The following CTNNA3 variants were observed in gnomAD, a reference collection of about 807,000 sequenced individuals.
CTNNA3 encodes catenin alpha 3.
CTNNA3 carries 76 observed loss-of-function variants against 95.7 expected under a neutral mutation model. The ratio of observed to expected loss-of-function variants is 0.79; its 90% CI spans 0.66 to 0.96. CTNNA3 has a LOEUF of 0.96. Among genes scored for constraint, CTNNA3 ranks in the 40% least tolerant of loss-of-function variants. The pLI is 0.00. For synonymous variants in CTNNA3, 431 were observed against 374.4 expected (o/e 1.15, Z -1.74); for missense variants, 1,191 against 1,089.8 (o/e 1.09, Z -1.31).
intron 7 of CTNNA3, among the ~76,000 whole-genome samples, chr10:66,982,914 G>T (rs1392588543): frequency 6.6e-6 from 1 of 152,128 alleles, no homozygotes; most frequent in East Asian, 1.9e-4. Context: ...GGGACACAAT[G>T]CAAGCTACAT....
At chr10:66,220,766 C>T (rs1368214422) in intron 13 of CTNNA3, among the ~76,000 whole-genome samples, 6 of 152,156 alleles carry the variant, frequency 3.9e-5, no homozygotes, top group Non-Finnish European at 8.8e-5. Context: ...TCCACAGTCC[C>T]ACCATCAAGC....
chr10:67,082,807 A>G (rs141583539), intron 7 of CTNNA3, among the ~76,000 whole-genome samples: 3 of 152,308 alleles, frequency 2.0e-5, no homozygotes, highest in East Asian at 3.9e-4. Context: ...ATCAGTCATG[A>G]AACTGATTGG....
At chr10:66,795,148 A>T (rs893495062) in intron 7 of CTNNA3, among the ~76,000 whole-genome samples, 1 of 152,194 alleles carries the variant, frequency 6.6e-6, no homozygotes, top group African/African-American at 2.4e-5. Context: ...TCTTAATGGC[A>T]TCTAAAATAG....
chr10:67,058,335 A>G (rs569970783), intron 7 of CTNNA3, among the ~76,000 whole-genome samples: 2 of 152,292 alleles, frequency 1.3e-5, no homozygotes, highest in South Asian at 4.1e-4. Flanking sequence ...GTCAGATAAC[A>G]TATTGTTTTA....
intron 12 of CTNNA3, among the ~76,000 whole-genome samples, chr10:66,315,585 C>T (rs866260548): frequency 6.6e-6 from 1 of 151,820 alleles, no homozygotes; most frequent in African/African-American, 2.4e-5. Flanking sequence ...TTTATATACA[C>T]TTGCTAATTA....
At chr10:67,452,869 G>A (rs955535959) in intron 5 of CTNNA3, among the ~76,000 whole-genome samples, 1 of 152,146 alleles carries the variant, frequency 6.6e-6, no homozygotes, top group Non-Finnish European at 1.5e-5. Flanking sequence ...GGGGTAGTTG[G>A]GAGGAGAAGA....
At chr10:67,429,279 T>A (rs1846028222) in intron 5 of CTNNA3, among the ~76,000 whole-genome samples, 1 of 152,072 alleles carries the variant, frequency 6.6e-6, no homozygotes, top group African/African-American at 2.4e-5. Context: ...TAAAATGATT[T>A]AGTTTGCATC....
At chr10:67,439,971 G>T (rs756458488) in intron 5 of CTNNA3, among the ~76,000 whole-genome samples, 1 of 152,126 alleles carries the variant, frequency 6.6e-6, no homozygotes, top group Non-Finnish European at 1.5e-5. Context: ...CGTAAAGGGG[G>T]CTTTTTCTTG....
Position 66,308,279 on chromosome 10 carries a change from T to C in CTNNA3, c.1733-27658A>G, listed in dbSNP as rs144104697. 1.4e-4 allele frequency among the ~76,000 whole-genome samples: 22 copies of C among 152,362 alleles called. No homozygotes were observed. In the East Asian group the frequency reaches 3.9e-3, roughly 27 times the overall value. On this transcript the variant is annotated intron_variant, in intron 12 of 17. Transcript: ENST00000433211. ...TAATATACATTGTTTGATATAATCA[T>C]ATTTCACATTAGGTTTAACTTTTTC...
At chr10:65,952,093 T>C (rs1300311622) in intron 17 of CTNNA3, among the ~76,000 whole-genome samples, 1 of 150,864 alleles carries the variant, frequency 6.6e-6, no homozygotes, top group African/African-American at 2.4e-5. Flanking sequence ...ATGAGATAGA[T>C]AGCTATAACA....
intron 15 of CTNNA3, among the ~76,000 whole-genome samples, chr10:66,066,919 G>T (rs2080324531): frequency 6.6e-6 from 1 of 151,702 alleles, no homozygotes; most frequent in African/African-American, 2.4e-5. Flanking sequence ...CTTTTCATGT[G>T]GCAGGCAACC....
intron 11 of CTNNA3, among the ~76,000 whole-genome samples, chr10:66,442,884 G>A (rs1305382883): frequency 6.6e-6 from 1 of 152,190 alleles, no homozygotes; most frequent in East Asian, 1.9e-4. Context: ...AAGCGCAAGG[G>A]GTCAGGGGGT....
intron 13 of CTNNA3, among the ~76,000 whole-genome samples, chr10:66,273,025 C>A (rs565581906): frequency 6.6e-6 from 1 of 152,266 alleles, no homozygotes; most frequent in East Asian, 1.9e-4. Flanking sequence ...ATACCAGTTT[C>A]TTTTTCCTTC....
intron 7 of CTNNA3, among the ~76,000 whole-genome samples, chr10:67,014,692 T>C (rs1038788366): frequency 8.6e-5 from 13 of 152,022 alleles, no homozygotes; most frequent in Admixed American, 7.9e-4. Flanking sequence ...TGAGATGATA[T>C]ATGTCCTATA....
intron 5 of CTNNA3, among the ~76,000 whole-genome samples, chr10:67,437,686 T>G (rs1329069858): frequency 6.6e-6 from 1 of 152,066 alleles, no homozygotes; most frequent in Non-Finnish European, 1.5e-5. Context: ...GAAATAGAAC[T>G]TAAATATTCT....
intron 11 of CTNNA3, among the ~76,000 whole-genome samples, chr10:66,461,546 G>T (rs566777070): frequency 5.3e-5 from 8 of 151,978 alleles, no homozygotes; most frequent in Admixed American, 1.3e-4. Context: ...TTCTTGGGTA[G>T]TGCGTCAATA....
Position 67,325,422 on chromosome 10 carries a change from G to T in CTNNA3, c.580-105552C>A, listed in dbSNP as rs182815016. 2.0e-5 allele frequency among the ~76,000 whole-genome samples: 3 copies of T among 152,088 alleles called. No individual in the cohort carries two copies. The East Asian group carries it at 5.8e-4, about 29-fold the overall frequency. Reference sequence around the variant, plus strand: ...GCCTTAGCTGTGTCTCAAAGATTCTGGTATGTTGTATCTTTGTTCTCACTG... The same window carrying T: ...GCCTTAGCTGTGTCTCAAAGATTCTTGTATGTTGTATCTTTGTTCTCACTG... On this transcript the variant is annotated intron_variant, in intron 5 of 17. Coordinates refer to ENST00000433211, the MANE Select transcript of CTNNA3 (RefSeq NM_013266.4).
intron 5 of CTNNA3, among the ~76,000 whole-genome samples, chr10:67,337,625 A>T (rs1004896045): frequency 6.6e-6 from 1 of 152,210 alleles, no homozygotes; most frequent in African/African-American, 2.4e-5. Context: ...GAAATTTTTC[A>T]TTAAAGTAAC....
chr10:67,438,482 C>A (rs1846382629), intron 5 of CTNNA3, among the ~76,000 whole-genome samples: 1 of 152,092 alleles, frequency 6.6e-6, no homozygotes, highest in Admixed American at 6.6e-5. Context: ...AAGGGAGGAG[C>A]AAGATGGCCA....
Sources: gnomAD v4.1 joint callset for allele counts (sites outside exome capture counted in the v4.1 genomes callset) on GRCh38, gnomAD v4.1.1 for gene constraint, MANE v1.5 for transcripts, NCBI Gene and HGNC (gene_info 2026-07-23, HGNC 2026-07-21) for gene names.